The following GULP1 variants were observed in gnomAD, a reference collection of about 807,000 sequenced individuals.
The protein encoded by GULP1 is GULP PTB domain containing engulfment adaptor 1, also known as PTB domain-containing engulfment adapter protein 1.
Under a neutral mutation model 40.9 loss-of-function variants are expected in GULP1, and 19 were observed. That is an observed-to-expected ratio of 0.46 (90% CI 0.32 to 0.68). The LOEUF (loss-of-function observed/expected upper bound fraction) is 0.68, where lower values mean the gene tolerates loss of function less well. Ranked by LOEUF, GULP1 falls within the 30% of genes least tolerant of loss-of-function variation. The probability of loss-of-function intolerance (pLI) is 0.03; values close to 1 mark genes in which losing one functional copy is unlikely to be tolerated. For missense variants in GULP1, 312 were observed against 362.2 expected, an observed-to-expected ratio of 0.86 and a Z score of 1.12; for synonymous variants, 119 against 117.6, an observed-to-expected ratio of 1.01 and a Z score of -0.08.
chr2:188,495,756 G>A (rs2062837920), intron 4 of GULP1, among the ~76,000 whole-genome samples: 1 of 151,962 alleles, frequency 6.6e-6, no homozygotes, highest in African/African-American at 2.4e-5. Flanking sequence ...CCTAGCACAT[G>A]GTTGGTGCTC....
chr2:188,326,996 G>T (rs2040848743), intron 1 of GULP1, among the ~76,000 whole-genome samples: 1 of 152,078 alleles, frequency 6.6e-6, no homozygotes, highest in Non-Finnish European at 1.5e-5. Flanking sequence ...ATGGGTCGAG[G>T]GCTCTAGCTG....
intron 2 of GULP1, among the ~76,000 whole-genome samples, chr2:188,443,772 C>T (rs551209034): frequency 7.3e-5 from 11 of 151,290 alleles, no homozygotes; most frequent in South Asian, 4.2e-4. Context: ...CTGCCACCTC[C>T]GCCTCCCGGG....
chr2:188,559,154 C>G (rs532927874), intron 7 of GULP1, among the ~76,000 whole-genome samples: 1 of 152,194 alleles, frequency 6.6e-6, no homozygotes, highest in African/African-American at 2.4e-5. Context: ...TCACAGGCCC[C>G]GAGGCCTAGG....
At chr2:188,563,896 G>A (rs929934058) in intron 7 of GULP1, among the ~76,000 whole-genome samples, 10 of 151,742 alleles carry the variant, frequency 6.6e-5, no homozygotes, top group Admixed American at 4.6e-4. Context: ...ATTCCAAATC[G>A]AGTCCAGCAA....
chr2:188,451,652 G>T (rs1180929283), intron 2 of GULP1, among the ~76,000 whole-genome samples: 1 of 151,852 alleles, frequency 6.6e-6, no homozygotes, highest in East Asian at 1.9e-4. Flanking sequence ...TGTCAAAATT[G>T]AAAATACAAT....
At chr2:188,535,565 A>G (rs1263547428) in intron 6 of GULP1, among the ~76,000 whole-genome samples, 1 of 151,946 alleles carries the variant, frequency 6.6e-6, no homozygotes, top group Non-Finnish European at 1.5e-5. Flanking sequence ...TATGTACCAC[A>G]TTTTCTTTAT....
At chr2:188,308,493 A>T (rs970432493) in intron 1 of GULP1, among the ~76,000 whole-genome samples, 5 of 152,314 alleles carry the variant, frequency 3.3e-5, no homozygotes, top group Non-Finnish European at 5.9e-5. Context: ...TTTGTGTGAG[A>T]GAACAAACCC....
At chr2:188,567,863 A>G (rs1217433382) in intron 7 of GULP1, among the ~76,000 whole-genome samples, 1 of 152,206 alleles carries the variant, frequency 6.6e-6, no homozygotes, top group African/African-American at 2.4e-5. Context: ...CAAATTATTC[A>G]TAATCCCACA....
At chr2:188,445,633 T>C (rs926731684) in intron 2 of GULP1, among the ~76,000 whole-genome samples, 3 of 152,210 alleles carry the variant, frequency 2.0e-5, no homozygotes, top group Non-Finnish European at 4.4e-5. Context: ...CAGTACTTCA[T>C]AGATTATAAG....
intron 2 of GULP1, among the ~76,000 whole-genome samples, chr2:188,399,556 T>A (rs1289453493): frequency 2.0e-5 from 3 of 151,966 alleles, no homozygotes; most frequent in Non-Finnish European, 4.4e-5. Context: ...TAAGTGTTAT[T>A]TAAAGCCATC....
chr2:188,388,450 G>A (rs1338791886), intron 2 of GULP1, among the ~76,000 whole-genome samples: 1 of 152,042 alleles, frequency 6.6e-6, no homozygotes, highest in Non-Finnish European at 1.5e-5. Flanking sequence ...GGCTGAAGTG[G>A]GAGGATCACT....
intron 1 of GULP1, among the ~76,000 whole-genome samples, chr2:188,375,755 A>G (rs1365321699): frequency 6.6e-6 from 1 of 152,236 alleles, no homozygotes; most frequent in Admixed American, 6.5e-5. Flanking sequence ...TCACAATTTC[A>G]TCTTCTAAAT....
chr2:188,523,547 A>G (rs1685377770), intron 5 of GULP1, among the ~76,000 whole-genome samples: 1 of 79,002 alleles, frequency 1.3e-5, no homozygotes, highest in South Asian at 6.5e-4. Flanking sequence ...GAAAATACAC[A>G]TTATCACTAC....
chr2:188,389,542 A>G (rs1476178769), intron 2 of GULP1, among the ~76,000 whole-genome samples: 1 of 152,190 alleles, frequency 6.6e-6, no homozygotes, highest in Non-Finnish European at 1.5e-5. Context: ...AGTGTAATGG[A>G]TAGGAAAAGT....
chr2:188,430,302 C>T (rs1184916356), intron 2 of GULP1, among the ~76,000 whole-genome samples: 4 of 151,972 alleles, frequency 2.6e-5, no homozygotes, highest in East Asian at 3.9e-4. Flanking sequence ...TTTTAAAAAC[C>T]GAATAAAAAC....
At chr2:188,368,939 GTATATATATATATATA>G (rs56274020) in intron 1 of GULP1, among the ~76,000 whole-genome samples, 7,018 of 86,134 alleles carry the variant, frequency 0.081, 879 homozygotes, top group African/African-American at 0.27. Context: ...ATATATGTGT[GTATATATATATATATA>G]TATATATATA....
intron 4 of GULP1, among the ~76,000 whole-genome samples, chr2:188,503,528 C>A (rs1486847606): frequency 1.3e-5 from 2 of 151,908 alleles, no homozygotes; most frequent in African/African-American, 4.8e-5. Flanking sequence ...TCACCTCCCA[C>A]CAGATCCCTC....
intron 1 of GULP1, among the ~76,000 whole-genome samples, chr2:188,300,373 T>A (rs1459446037): frequency 2.6e-5 from 4 of 152,146 alleles, no homozygotes; most frequent in African/African-American, 9.7e-5. Context: ...GAAAAAATAA[T>A]TTTTTTCTGA....
chr2:188,439,115 G>T (rs1467625119), intron 2 of GULP1, among the ~76,000 whole-genome samples: 1 of 151,704 alleles, frequency 6.6e-6, no homozygotes, highest in Non-Finnish European at 1.5e-5. Flanking sequence ...ACCAACTATT[G>T]TTATTCAATA....
Sources: gnomAD v4.1 joint callset for allele counts (sites outside exome capture counted in the v4.1 genomes callset) on GRCh38, gnomAD v4.1.1 for gene constraint, MANE v1.5 for transcripts, NCBI Gene and HGNC (gene_info 2026-07-23, HGNC 2026-07-21) for gene names.